Variants in LINGO2 observed in about 807,000 individuals in gnomAD.
The protein encoded by LINGO2 is leucine rich repeat and Ig domain containing 2.
A neutral mutation model predicts 30.6 loss-of-function variants in LINGO2; 14 were observed. The ratio of observed to expected loss-of-function variants is 0.46; its 90% CI spans 0.30 to 0.72. The LOEUF (loss-of-function observed/expected upper bound fraction) is 0.72. Ranked by LOEUF, LINGO2 falls within the 30% of genes least tolerant of loss-of-function variation. LINGO2 has a pLI of 0.07. For missense variants in LINGO2, 729 were observed against 751.7 expected (o/e 0.97, Z 0.35); for synonymous variants, 317 against 288.5 (o/e 1.10, Z -1.00).
chr9:29,121,684 C>T, the LINGO2 span, among the ~76,000 whole-genome samples: 1 of 151,950 alleles, frequency 6.6e-6, no homozygotes, highest in Non-Finnish European at 1.5e-5. Context: ...TCCATATGAT[C>T]AACAACAAAA....
At chr9:28,524,548 T>A (rs757942983) in intron 1 of LINGO2, among the ~76,000 whole-genome samples, 31 of 151,428 alleles carry the variant, frequency 2.0e-4, no homozygotes, top group Non-Finnish European at 2.4e-4. Context: ...AGGTCAGGAG[T>A]TCAAGACCAG....
At chr9:28,282,843 T>C (rs1337702803) in intron 4 of LINGO2, among the ~76,000 whole-genome samples, 1 of 152,192 alleles carries the variant, frequency 6.6e-6, no homozygotes, top group Non-Finnish European at 1.5e-5. Context: ...AAGAATTTAC[T>C]TTTAGTTCTT....
intron 4 of LINGO2, among the ~76,000 whole-genome samples, chr9:28,165,488 C>T (rs892583855): frequency 3.3e-5 from 5 of 152,262 alleles, no homozygotes; most frequent in Middle Eastern, 3.4e-3. Flanking sequence ...AGTAACTTAA[C>T]AGAAAAAATT....
At chr9:28,014,532 A>G (rs1029316515) in intron 4 of LINGO2, among the ~76,000 whole-genome samples, 2 of 152,190 alleles carry the variant, frequency 1.3e-5, no homozygotes, top group Non-Finnish European at 2.9e-5. Flanking sequence ...TCCAACTGAT[A>G]CACTAGATAA....
chr9:28,597,502 A>G (rs187897053), intron 1 of LINGO2, among the ~76,000 whole-genome samples: 88 of 152,316 alleles, frequency 5.8e-4, no homozygotes, highest in African/African-American at 2.1e-3. Context: ...TTGTATCTTA[A>G]CAAAGCTAGG....
At chr9:28,338,542 C>A (rs1224812344) in intron 3 of LINGO2, among the ~76,000 whole-genome samples, 2 of 152,032 alleles carry the variant, frequency 1.3e-5, no homozygotes, top group Non-Finnish European at 2.9e-5. Context: ...TGTGGTCTGG[C>A]TGTGTCTCCA....
At chr9:28,517,977 C>T (rs868566719) in intron 1 of LINGO2, among the ~76,000 whole-genome samples, 58 of 152,212 alleles carry the variant, frequency 3.8e-4, no homozygotes, top group African/African-American at 1.2e-3. Flanking sequence ...AAATGAGAAA[C>T]GCAAAGCCAA....
At chr9:28,575,764 A>G (rs1251698192) in intron 1 of LINGO2, among the ~76,000 whole-genome samples, 5 of 152,182 alleles carry the variant, frequency 3.3e-5, no homozygotes, top group African/African-American at 1.2e-4. Context: ...TAGATAAGAT[A>G]GGAAACTACA....
the LINGO2 span, among the ~76,000 whole-genome samples, chr9:29,097,631 T>A: frequency 7.2e-6 from 1 of 138,936 alleles, no homozygotes; most frequent in East Asian, 2.4e-4. Context: ...TATTGTATGA[T>A]GTGAAAAAAT....
the LINGO2 span, among the ~76,000 whole-genome samples, chr9:28,774,067 CA>C: frequency 6.6e-5 from 10 of 151,712 alleles, no homozygotes; most frequent in Admixed American, 6.6e-4. Flanking sequence ...CACACACACA[CA>C]CACACACACA....
rs1378480064 is a variant in LINGO2 at position 28,390,528 on chromosome 9, T to A, written c.-278-17660A>T. ...TTCTCCTGCTATTAAAATGCTGACA[T>A]ATACACACAGAGCAGAAATAGGTTT... is the stretch of plus-strand genomic sequence containing the variant. On this transcript the variant is annotated intron_variant, in intron 2 of 5. Transcript: ENST00000379992. 2.0e-5 allele frequency among the ~76,000 whole-genome samples: 3 copies of A among 150,904 alleles called. 1 individual carries two copies. The highest frequency in any genetic ancestry group is 1.3e-4 in the Admixed American group (2 of 15,114).
intron 4 of LINGO2, among the ~76,000 whole-genome samples, chr9:28,188,221 C>T (rs1014452301): frequency 5.9e-5 from 9 of 152,272 alleles, no homozygotes; most frequent in African/African-American, 2.2e-4. Flanking sequence ...TACTTATTCA[C>T]TCAGGGCTTC....
intron 4 of LINGO2, among the ~76,000 whole-genome samples, chr9:28,142,945 A>G (rs545355529): frequency 1.3e-5 from 2 of 152,248 alleles, no homozygotes; most frequent in South Asian, 4.1e-4. Context: ...TCAACTTCCT[A>G]TGCTGGTCTA....
chr9:28,265,997 A>G (rs1444880394), intron 4 of LINGO2, among the ~76,000 whole-genome samples: 1 of 151,984 alleles, frequency 6.6e-6, no homozygotes, highest in Non-Finnish European at 1.5e-5. Flanking sequence ...GAAGATACAG[A>G]AACACCTAGT....
chr9:28,653,506 C>T (rs16913494), intron 1 of LINGO2, among the ~76,000 whole-genome samples: 7,902 of 152,174 alleles, frequency 0.052, 382 homozygotes, highest in Admixed American at 0.17. Flanking sequence ...GGACAATACA[C>T]ATCTCCATCA....
At position 28,199,344 on chromosome 9, in the gene LINGO2, C is replaced by CTTCT. The variant is rs74180792; in HGVS notation, c.-87+95863_-87+95864insAGAA. 2.3e-3 allele frequency among the ~76,000 whole-genome samples: 274 copies of CTTCT among 117,668 alleles called. 6 individuals carry two copies. Among genetic ancestry groups the CTTCT allele is most frequent in the African/African-American group, 7.6e-3 (247 of 32,584 alleles). The allele number at this position is 117,668 out of a possible 152,430, so 77.2% of individuals were successfully genotyped here. A position where few individuals can be genotyped will look rare whatever the true frequency, so the allele number is the denominator to read the frequency against. On this transcript the variant is annotated intron_variant, in intron 4 of 5. Coordinates refer to ENST00000379992, the Ensembl canonical transcript of LINGO2. ...CTATCTTCTTCTTCTTCTTCTTCTT[C>CTTCT]TTTTTTTTTTTTTGAGACGGAGTCT...
At chr9:29,213,474 G>C in the LINGO2 span, among the ~76,000 whole-genome samples, 2 of 152,124 alleles carry the variant, frequency 1.3e-5, no homozygotes, top group Admixed American at 1.3e-4. Flanking sequence ...GCGCCGGTGC[G>C]GGGCTGGGCG....
At chr9:28,736,773 A>T in the LINGO2 span, among the ~76,000 whole-genome samples, 1 of 152,102 alleles carries the variant, frequency 6.6e-6, no homozygotes, top group Non-Finnish European at 1.5e-5. Context: ...CTGGGCAACA[A>T]GAGCGAAACT....
chr9:28,145,057 C>A (rs551067929), intron 4 of LINGO2, among the ~76,000 whole-genome samples: 2 of 152,296 alleles, frequency 1.3e-5, no homozygotes, highest in African/African-American at 4.8e-5. Context: ...AGGAGACCAT[C>A]TAAGCAGAGC....
Sources: allele counts gnomAD v4.1 joint callset (sites outside exome capture counted in the v4.1 genomes callset), GRCh38; gene constraint gnomAD v4.1.1; transcripts MANE v1.5; gene names NCBI Gene and HGNC (gene_info 2026-07-23, HGNC 2026-07-21).